Variants in ATXN7L1 observed in about 807,000 individuals in gnomAD.
ATXN7L1 encodes the protein ataxin 7 like 1, also known as ataxin-7-like protein 1.
A neutral mutation model predicts 70.8 loss-of-function variants in ATXN7L1; 15 were observed. That is an observed-to-expected ratio of 0.21 (90% CI 0.14 to 0.33). The LOEUF is 0.33. ATXN7L1 is among the 10% of genes least tolerant of loss of function. The probability of loss-of-function intolerance (pLI) is 1.00; values close to 1 mark genes in which losing one functional copy is unlikely to be tolerated. For missense variants in ATXN7L1, 975 were observed against 1,097.1 expected (o/e 0.89, Z 1.57); for synonymous variants, 440 against 445.1 (o/e 0.99, Z 0.14).
chr7:105,865,282 T>G (rs1375721102), intron 2 of ATXN7L1, among the ~76,000 whole-genome samples: 1 of 152,212 alleles, frequency 6.6e-6, no homozygotes, highest in Non-Finnish European at 1.5e-5. Context: ...AGGCTTAATT[T>G]AATACACAGC....
chr7:105,683,381 A>G (rs1038292494), intron 3 of ATXN7L1, among the ~76,000 whole-genome samples: 6 of 152,124 alleles, frequency 3.9e-5, no homozygotes, highest in African/African-American at 1.2e-4. Flanking sequence ...ACTTCATAAA[A>G]TAAAACCTGA....
intron 7 of ATXN7L1, among the ~76,000 whole-genome samples, chr7:105,625,172 G>A (rs1302678626): frequency 1.3e-5 from 2 of 152,160 alleles, no homozygotes; most frequent in African/African-American, 2.4e-5. Flanking sequence ...TACCTTACTC[G>A]GCACCCATGC....
At chr7:105,635,297 T>C (rs1161518975) in intron 7 of ATXN7L1, among the ~76,000 whole-genome samples, 2 of 152,190 alleles carry the variant, frequency 1.3e-5, no homozygotes, top group African/African-American at 4.8e-5. Context: ...TGTGTTCCTT[T>C]AGAGTTGGAG....
At chr7:105,783,134 G>C (rs984926732) in intron 3 of ATXN7L1, among the ~76,000 whole-genome samples, 1 of 152,194 alleles carries the variant, frequency 6.6e-6, no homozygotes, top group Non-Finnish European at 1.5e-5. Context: ...CATATAAGTA[G>C]CTCAAGGTCA....
chr7:105,848,908 T>C (rs543339411), intron 2 of ATXN7L1, among the ~76,000 whole-genome samples: 2 of 152,260 alleles, frequency 1.3e-5, no homozygotes, highest in African/African-American at 2.4e-5. Flanking sequence ...CACTGCTTTC[T>C]GCTCCTCTCT....
At chr7:105,846,147 G>C (rs1342329424) in intron 2 of ATXN7L1, among the ~76,000 whole-genome samples, 1 of 151,992 alleles carries the variant, frequency 6.6e-6, no homozygotes, top group Non-Finnish European at 1.5e-5. Flanking sequence ...AATTATATCT[G>C]ATAAGAAATA....
chr7:105,619,140 G>GTTTTTTTTTTTTTTTGTTTTTTTTT (rs1794394036), intron 9 of ATXN7L1, among the ~76,000 whole-genome samples: 1 of 49,844 alleles, frequency 2.0e-5, no homozygotes, highest in East Asian at 8.2e-4. Flanking sequence ...GAAATCTTTA[G>GTTTTTTTTTTTTTTTGTTTTTTTTT]TTTTTTTTTT....
intron 2 of ATXN7L1, among the ~76,000 whole-genome samples, chr7:105,866,933 CATCTTATGCCTA>C (rs1817563171): frequency 6.6e-6 from 1 of 152,178 alleles, no homozygotes; most frequent in African/African-American, 2.4e-5. Context: ...TGAGTACTAC[CATCTTATGCCTA>C]CTTCTGAAAT....
At chr7:105,666,213 A>T (rs761696734) in intron 3 of ATXN7L1, among the ~76,000 whole-genome samples, 25 of 152,258 alleles carry the variant, frequency 1.6e-4, no homozygotes, top group Non-Finnish European at 3.1e-4. Flanking sequence ...ACATGATTAC[A>T]GGAAGGAATC....
intron 3 of ATXN7L1, among the ~76,000 whole-genome samples, chr7:105,712,748 C>A (rs1291261294): frequency 2.6e-5 from 4 of 152,220 alleles, no homozygotes; most frequent in Admixed American, 2.6e-4. Flanking sequence ...TGGTCAAAAA[C>A]CATTCAACAA....
At chr7:105,809,831 T>G (rs1322005149) in intron 2 of ATXN7L1, among the ~76,000 whole-genome samples, 1 of 152,006 alleles carries the variant, frequency 6.6e-6, no homozygotes, top group Non-Finnish European at 1.5e-5. Context: ...AGCATAGTTA[T>G]GCTATCATAG....
chr7:105,733,509 TCCATCCAC>T (rs1796825249), intron 3 of ATXN7L1, among the ~76,000 whole-genome samples: 1 of 124,248 alleles, frequency 8.0e-6, no homozygotes, highest in African/African-American at 3.1e-5. Flanking sequence ...CATCCTTCCA[TCCATCCAC>T]CCATCCATCC....
At chr7:105,872,943 A>G (rs1818488714) in intron 2 of ATXN7L1, among the ~76,000 whole-genome samples, 1 of 151,932 alleles carries the variant, frequency 6.6e-6, no homozygotes, top group Admixed American at 6.6e-5. Context: ...TCACGAGGTC[A>G]GGAGATCGAG....
In ATXN7L1 at chr7:105,798,179, T is replaced by C. The variant is rs139441139; in HGVS notation, c.251-9471A>G. Among the ~76,000 whole-genome samples, 713 of 152,190 alleles carry C rather than the reference T, an allele frequency of 4.7e-3. 4 individuals are homozygous for C. Among genetic ancestry groups the C allele is most frequent in the Middle Eastern group, 0.02 (6 of 294 alleles). ...TCCAGGTGAGCCGTCAGTGGAGAAG[T>C]GGTCTATTCCTGTGCCCACCATGCC... On this transcript the variant is annotated intron_variant, in intron 2 of 11. Coordinates refer to ENST00000419735, the MANE Select transcript of ATXN7L1 (RefSeq NM_020725.2).
At chr7:105,723,636 C>T (rs1795458617) in intron 3 of ATXN7L1, among the ~76,000 whole-genome samples, 1 of 152,198 alleles carries the variant, frequency 6.6e-6, no homozygotes, top group Non-Finnish European at 1.5e-5. Flanking sequence ...CCTGTATGTG[C>T]ACTTTGTGTC....
chr7:105,668,710 C>G (rs1803036344), intron 3 of ATXN7L1, among the ~76,000 whole-genome samples: 1 of 152,164 alleles, frequency 6.6e-6, no homozygotes. Context: ...GCATGAGCCA[C>G]TGCGCCTGGC....
At chr7:105,848,504 A>G (rs929573454) in intron 2 of ATXN7L1, among the ~76,000 whole-genome samples, 6 of 150,114 alleles carry the variant, frequency 4.0e-5, no homozygotes, top group Non-Finnish European at 7.4e-5. Context: ...ATCCAATGAC[A>G]GGGAATTAGT....
At chr7:105,762,519 A>G (rs1800681883) in intron 3 of ATXN7L1, among the ~76,000 whole-genome samples, 1 of 152,168 alleles carries the variant, frequency 6.6e-6, no homozygotes. Flanking sequence ...ATAGGATGGT[A>G]GGCTCCAAGC....
At chr7:105,679,208 T>C (rs1805207454) in intron 3 of ATXN7L1, 1 of 927,994 alleles carries the variant, frequency 1.1e-6, no homozygotes, top group South Asian at 5.0e-5. Context: ...CAGACGAGAT[T>C]AGGGAAAGGC....
Sources: gnomAD v4.1 joint callset for allele counts (sites outside exome capture counted in the v4.1 genomes callset) on GRCh38, gnomAD v4.1.1 for gene constraint, MANE v1.5 for transcripts, NCBI Gene and HGNC (gene_info 2026-07-23, HGNC 2026-07-21) for gene names.